GPR176: variants seen among roughly 807,000 people sequenced by gnomAD.
GPR176 encodes G protein-coupled receptor 176, also known as G-protein coupled receptor 176.
GPR176 carries 26 observed loss-of-function variants against 35.4 expected under a neutral mutation model. The ratio of observed to expected loss-of-function variants is 0.74; its 90% CI spans 0.54 to 1.02. GPR176 has a LOEUF of 1.02. Ranked by LOEUF, GPR176 falls within the 50% of genes least tolerant of loss-of-function variation. The probability of loss-of-function intolerance (pLI) is 0.00; values close to 1 mark genes in which losing one functional copy is unlikely to be tolerated. For synonymous variants in GPR176, 278 were observed against 271.3 expected (o/e 1.02, Z -0.24); for missense variants, 597 against 665.3 (o/e 0.90, Z 1.13).
intron 1 of GPR176, among the ~76,000 whole-genome samples, chr15:39,812,085 C>T (rs534163804): frequency 1.3e-5 from 2 of 152,296 alleles, no homozygotes; most frequent in East Asian, 3.9e-4. Context: ...TTACAACATA[C>T]ATCATGAATT....
At chr15:39,807,732 T>C in intron 1 of GPR176, 2 of 579,502 alleles carry the variant, frequency 3.5e-6, no homozygotes, top group Non-Finnish European at 6.2e-6. Flanking sequence ...TATTTTTTAT[T>C]CAACCCAACA....
chr15:39,905,586 T>C (rs570885513), intron 1 of GPR176, among the ~76,000 whole-genome samples: 18 of 152,126 alleles, frequency 1.2e-4, no homozygotes, highest in African/African-American at 3.9e-4. Flanking sequence ...AGTAAGACCC[T>C]GTGTCAGAAA....
intron 1 of GPR176, among the ~76,000 whole-genome samples, chr15:39,814,514 T>C (rs1032188732): frequency 6.6e-5 from 10 of 152,248 alleles, no homozygotes; most frequent in Admixed American, 4.6e-4. Context: ...TAAATGCTTA[T>C]GGTTTCTTTC....
At chr15:39,875,329 T>C (rs1407701945) in intron 1 of GPR176, among the ~76,000 whole-genome samples, 1 of 152,176 alleles carries the variant, frequency 6.6e-6, no homozygotes, top group Non-Finnish European at 1.5e-5. Flanking sequence ...ACAATACAAA[T>C]TGGAATTTCT....
At chr15:39,856,361 A>G (rs2031219086) in intron 1 of GPR176, among the ~76,000 whole-genome samples, 1 of 152,220 alleles carries the variant, frequency 6.6e-6, no homozygotes, top group Admixed American at 6.5e-5. Flanking sequence ...TTAGTTATCT[A>G]CTGCTGCATA....
chr15:39,868,948 A>G (rs1048271089), intron 1 of GPR176, among the ~76,000 whole-genome samples: 1 of 151,874 alleles, frequency 6.6e-6, no homozygotes, highest in Admixed American at 6.6e-5. Context: ...TGGGCTTGCT[A>G]GTGAAGTAAG....
chr15:39,804,634 T>G (rs1595431399), intron 2 of GPR176, among the ~76,000 whole-genome samples: 3 of 151,442 alleles, frequency 2.0e-5, no homozygotes, highest in African/African-American at 7.3e-5. Context: ...AAAAAAAAAC[T>G]TTCAGGATTC....
chr15:39,801,479 G>A lies in GPR176; in HGVS notation c.1201C>T (p.Gln401Ter), dbSNP rs1898853958. 2 of 1,614,016 alleles carry A rather than the reference G, an allele frequency of 1.2e-6. No homozygotes were observed. The highest frequency in any genetic ancestry group is 1.7e-5 in the Admixed American group (1 of 60,004). Residue 401 changes from glutamine to a stop codon, truncating the protein, a stop_gained, in exon 3 of 3, where the codon CAG (glutamine) becomes TAG (stop). Coordinates refer to ENST00000561100, the MANE Select transcript of GPR176 (RefSeq NM_007223.3). LOFTEE classifies it high-confidence loss of function. Reference protein sequence around the residue: ...EAKYIGSADFQAKEIFSTCLE... With the variant: ...EAKYIGSADF ...CAGGTGCTAAATATCTCCTTGGCCT[G>A]GAAGTCAGCTGAGCCAATGTACTTG...
At chr15:39,868,508 C>G (rs1170919774) in intron 1 of GPR176, among the ~76,000 whole-genome samples, 2 of 152,142 alleles carry the variant, frequency 1.3e-5, no homozygotes, top group African/African-American at 2.4e-5. Flanking sequence ...CACATCTTCC[C>G]TGGAACTGGC....
Position 39,803,709 on chromosome 15 carries a change from A to C in GPR176, c.426-1455T>G, listed in dbSNP as rs566371671. Among the ~76,000 whole-genome samples, 53 of 152,296 alleles carry C rather than the reference A, an allele frequency of 3.5e-4. 1 individual carries two copies. The South Asian group carries it at 0.011, about 31-fold the overall frequency. On this transcript the variant is annotated intron_variant, in intron 2 of 2. Coordinates refer to ENST00000561100, the MANE Select transcript of GPR176 (RefSeq NM_007223.3). ...GACAAAGATACACACACTAATAATT[A>C]CGAACAAGGAGATGACAGCTCTACT... is the stretch of plus-strand genomic sequence containing the variant.
chr15:39,886,900 T>A (rs1384865619), intron 1 of GPR176, among the ~76,000 whole-genome samples: 1 of 152,130 alleles, frequency 6.6e-6, no homozygotes, highest in East Asian at 1.9e-4. Context: ...ATGGAAAAAG[T>A]ATGCTACCAA....
chr15:39,842,441 A>G (rs2030075146), intron 1 of GPR176, among the ~76,000 whole-genome samples: 1 of 152,096 alleles, frequency 6.6e-6, no homozygotes, highest in Non-Finnish European at 1.5e-5. Context: ...CAACACTGGG[A>G]TTATAATTCC....
chr15:39,845,613 C>G (rs1402714427), intron 1 of GPR176, among the ~76,000 whole-genome samples: 1 of 151,954 alleles, frequency 6.6e-6, no homozygotes, highest in Non-Finnish European at 1.5e-5. Context: ...TGTTAACGCT[C>G]CCCTGGTGAT....
At chr15:39,840,054 C>G (rs1377625805) in intron 1 of GPR176, among the ~76,000 whole-genome samples, 2 of 152,146 alleles carry the variant, frequency 1.3e-5, no homozygotes, top group African/African-American at 4.8e-5. Flanking sequence ...TTAGTTCAAC[C>G]ATCGTGGAAG....
In GPR176 at chr15:39,801,422, G is replaced by C; in HGVS notation, c.1258C>G (p.Pro420Ala). ...ACTGTGCTCAGGGGTGGGGCAGAGG[G>C]CGCAAACTGTGGCCCCTGCTCTCCC... Reference protein sequence around the residue: ...LEGEQGPQFAPSAPPLSTVDS... With the variant: ...LEGEQGPQFAASAPPLSTVDS... Residue 420 changes from proline to alanine, a missense_variant, in exon 3 of 3, where the codon CCC (proline) becomes GCC (alanine). Pro to Ala is a conservative substitution (Grantham distance 27). This residue lies in a region of GPR176 where 251 missense variants were observed against 255.4 expected (regional missense o/e 0.98). Coordinates refer to ENST00000561100, the MANE Select transcript of GPR176 (RefSeq NM_007223.3). 1.2e-6 allele frequency: 2 copies of C among 1,614,160 alleles called. No individual in the cohort carries two copies. The highest frequency in any genetic ancestry group is 4.5e-5 in the East Asian group (2 of 44,884).
At chr15:39,817,098 T>C (rs1243821429) in intron 1 of GPR176, among the ~76,000 whole-genome samples, 1 of 140,594 alleles carries the variant, frequency 7.1e-6, no homozygotes. Flanking sequence ...TGAAAAACAT[T>C]AATCAATCCA....
intron 1 of GPR176, chr15:39,813,547 C>T (rs759021024): frequency 6.6e-6 from 1 of 152,156 alleles, no homozygotes; most frequent in East Asian, 1.9e-4. Context: ...TGCTTCTCTG[C>T]GTATAATGTG....
At chr15:39,894,749 C>G (rs1295488110) in intron 1 of GPR176, among the ~76,000 whole-genome samples, 3 of 150,564 alleles carry the variant, frequency 2.0e-5, no homozygotes, top group African/African-American at 7.4e-5. Context: ...GGCAGCCAGG[C>G]AGAGGGGCTC....
intron 1 of GPR176, among the ~76,000 whole-genome samples, chr15:39,855,260 C>T (rs370016421): frequency 1.3e-5 from 2 of 152,084 alleles, no homozygotes; most frequent in African/African-American, 4.8e-5. Flanking sequence ...CTCCAAAACT[C>T]CAAAACTATG....
Sources: allele counts gnomAD v4.1 joint callset (sites outside exome capture counted in the v4.1 genomes callset), GRCh38; gene constraint gnomAD v4.1.1; regional missense constraint gnomAD v4.1.1; transcripts MANE v1.5; gene names NCBI Gene and HGNC (gene_info 2026-07-23, HGNC 2026-07-21).